CDC73: variants seen among roughly 807,000 people sequenced by gnomAD.
CDC73 encodes cell division cycle 73.
In CDC73, 21 loss-of-function variants were observed where a neutral mutation model predicts 83.7. The ratio of observed to expected loss-of-function variants is 0.25; its 90% CI spans 0.18 to 0.36. CDC73 has a LOEUF of 0.36. Among genes scored for constraint, CDC73 ranks in the 10% least tolerant of loss-of-function variants. The pLI is 1.00. For synonymous variants in CDC73, 224 were observed against 212.9 expected, an observed-to-expected ratio of 1.05 and a Z score of -0.45; for missense variants, 342 against 653.3, an observed-to-expected ratio of 0.52 and a Z score of 5.19.
intron 10 of CDC73, among the ~76,000 whole-genome samples, chr1:193,174,702 G>T (rs1255008837): frequency 6.6e-6 from 1 of 152,012 alleles, no homozygotes; most frequent in African/African-American, 2.4e-5. Context: ...TCAGTAAATG[G>T]CACTGTCAGT....
At chr1:193,161,207 A>G (rs544546694) in intron 10 of CDC73, 363 of 176,240 alleles carry the variant, frequency 2.1e-3, no homozygotes, top group Non-Finnish European at 3.6e-3. Context: ...GACTGTTCCC[A>G]TGTTTTTTTT....
chr1:193,228,184 A>C (rs1677596359), intron 13 of CDC73, among the ~76,000 whole-genome samples: 1 of 152,178 alleles, frequency 6.6e-6, no homozygotes. Flanking sequence ...TATGTCATAT[A>C]ATTGATGGTA....
chr1:193,185,082 A>G (rs1193024159), intron 10 of CDC73, among the ~76,000 whole-genome samples: 1 of 152,064 alleles, frequency 6.6e-6, no homozygotes, highest in Non-Finnish European at 1.5e-5. Flanking sequence ...TCATTACTGC[A>G]TATTAATATA....
chr1:193,157,192 A>G (rs1029814271), intron 10 of CDC73, among the ~76,000 whole-genome samples: 3 of 152,324 alleles, frequency 2.0e-5, no homozygotes, highest in Non-Finnish European at 2.9e-5. Context: ...TGGGGAGTAG[A>G]AAGATTTGAA....
intron 5 of CDC73, among the ~76,000 whole-genome samples, chr1:193,137,498 A>G (rs1675821626): frequency 6.6e-6 from 1 of 152,226 alleles, no homozygotes; most frequent in South Asian, 2.1e-4. Flanking sequence ...ACTAAATTTT[A>G]CTTGACATCA....
At chr1:193,150,553 A>G (rs1676086949) in intron 9 of CDC73, among the ~76,000 whole-genome samples, 171 bp downstream of exon 9, 2 of 152,134 alleles carry the variant, frequency 1.3e-5, no homozygotes, top group Admixed American at 1.3e-4. Flanking sequence ...ACACTCATTC[A>G]TTTATGTATT....
intron 10 of CDC73, among the ~76,000 whole-genome samples, chr1:193,166,772 C>T (rs1160085013): frequency 3.3e-5 from 5 of 151,812 alleles, no homozygotes; most frequent in African/African-American, 1.2e-4. Flanking sequence ...TCAGCCTTCC[C>T]GAGTAGCTGG....
intron 15 of CDC73, among the ~76,000 whole-genome samples, chr1:193,245,558 C>T (rs184519313): frequency 6.7e-4 from 102 of 152,178 alleles, no homozygotes; most frequent in African/African-American, 2.4e-3. Context: ...CATATCTTTG[C>T]TGTTGTTAAT....
chr1:193,225,947 G>C (rs1385330237), intron 13 of CDC73, among the ~76,000 whole-genome samples: 4 of 152,072 alleles, frequency 2.6e-5, no homozygotes, highest in African/African-American at 9.7e-5. Context: ...TACTGCATCT[G>C]CTTTTTGGTT....
In CDC73 at chr1:193,197,361, C is replaced by T. The variant is rs543894185; in HGVS notation, c.973-6434C>T. 2.6e-5 allele frequency among the ~76,000 whole-genome samples: 4 copies of T among 152,106 alleles called. No homozygotes were observed. In the East Asian group the frequency reaches 5.8e-4, roughly 22 times the overall value. ...TCAGTTTGCTAGGTCGTGACTTATC[C>T]TTACATAAAGAGTGTTAAAAGAAAA... On this transcript the variant is annotated intron_variant, in intron 10 of 16. Transcript: ENST00000367435.
rs1249556171 is a variant in CDC73 at position 193,177,386 on chromosome 1, C to T, written c.972+24942C>T. 1.1e-3 allele frequency among the ~76,000 whole-genome samples: 118 copies of T among 110,866 alleles called. 1 individual carries two copies. The highest frequency in any genetic ancestry group is 3.1e-3 in the African/African-American group (110 of 34,996). 72.7% of individuals were successfully genotyped at this position (110,866 alleles called of 152,430 possible). A position where few individuals can be genotyped will look rare whatever the true frequency, so the allele number is the denominator to read the frequency against. On this transcript the variant is annotated intron_variant, in intron 10 of 16. Transcript: ENST00000367435. The stretch of plus-strand genomic sequence containing the variant: ...AAAAAAAAAAAAAAAAAAAATCAGC[C>T]GGGCGCGGTGGCAGGCACCTGTAGT...
chr1:193,219,517 A>G (rs972620974), intron 13 of CDC73, among the ~76,000 whole-genome samples: 2 of 152,226 alleles, frequency 1.3e-5, no homozygotes, highest in Non-Finnish European at 2.9e-5. Flanking sequence ...GGTGGATTGG[A>G]TAAAGAAATC....
rs967104798 is a variant in CDC73, at chr1:193,249,978, C to G, written c.1559+107C>G. ...GTCAGTCTTATTCCCTAATTCCCTT[C>G]TTTCAACATTAACTTGATGCTTATC... is the stretch of plus-strand genomic sequence containing the variant. On this transcript the variant is annotated intron_variant, in intron 16 of 16. Coordinates refer to ENST00000367435, the MANE Select transcript of CDC73 (RefSeq NM_024529.5). 3.0e-6 allele frequency: 3 copies of G among 995,764 alleles called. No individual in the cohort carries two copies. In the East Asian group the frequency reaches 7.3e-5, roughly 24 times the overall value. The allele number at this position is 995,764 out of a possible 1,614,324, so 61.7% of individuals were successfully genotyped here.
intron 10 of CDC73, among the ~76,000 whole-genome samples, chr1:193,187,107 C>CCCCCCCCCCCCCCT (rs1553285105): frequency 1.1e-5 from 1 of 91,940 alleles, no homozygotes; most frequent in African/African-American, 3.6e-5. Flanking sequence ...TTAGATCCCC[C>CCCCCCCCCCCCCCT]CCCCCGTTTT....
chr1:193,155,312 T>G (rs1427612248), intron 10 of CDC73, among the ~76,000 whole-genome samples: 2 of 152,230 alleles, frequency 1.3e-5, no homozygotes, highest in Non-Finnish European at 2.9e-5. Context: ...TCTTTAAAGT[T>G]ACAAGTTTGT....
At chr1:193,177,185 C>G (rs1441394758) in intron 10 of CDC73, among the ~76,000 whole-genome samples, 1 of 151,118 alleles carries the variant, frequency 6.6e-6, no homozygotes, top group Non-Finnish European at 1.5e-5. Context: ...TTTTTTTAAT[C>G]AGCTGTCATA....
intron 10 of CDC73, chr1:193,161,134 G>C (rs1676301303): frequency 5.7e-6 from 1 of 175,884 alleles, no homozygotes; most frequent in Middle Eastern, 2.3e-3. Flanking sequence ...TCTTTTTCTT[G>C]ATGGATGTTT....
At chr1:193,142,942 A>G (rs1310124309) in intron 7 of CDC73, among the ~76,000 whole-genome samples, 4 of 152,100 alleles carry the variant, frequency 2.6e-5, no homozygotes, top group Admixed American at 2.6e-4. Context: ...ATTTTCTCTT[A>G]AATGTTTTCT....
At chr1:193,148,914 CCTT>C (rs1307128022) in intron 8 of CDC73, among the ~76,000 whole-genome samples, 1 of 151,770 alleles carries the variant, frequency 6.6e-6, no homozygotes, top group African/African-American at 2.4e-5. Flanking sequence ...TTCCAGAAAA[CCTT>C]CTATATTTTT....
Sources: allele counts gnomAD v4.1 joint callset (sites outside exome capture counted in the v4.1 genomes callset), GRCh38; gene constraint gnomAD v4.1.1; transcripts MANE v1.5; gene names NCBI Gene and HGNC (gene_info 2026-07-23, HGNC 2026-07-21).